Variants in PRPF8 observed in about 807,000 individuals in gnomAD.
The protein encoded by PRPF8 is pre-mRNA processing factor 8, also known as pre-mRNA-processing-splicing factor 8.
Under a neutral mutation model 285.9 loss-of-function variants are expected in PRPF8, and 64 were observed. That is an observed-to-expected ratio of 0.22 (90% CI 0.18 to 0.28). The LOEUF is 0.28. Among genes scored for constraint, PRPF8 ranks in the 10% least tolerant of loss-of-function variants. The probability of loss-of-function intolerance (pLI) is 1.00; values close to 1 mark genes in which losing one functional copy is unlikely to be tolerated. For synonymous variants in PRPF8, 1,325 were observed against 1,118.2 expected, an observed-to-expected ratio of 1.18 and a Z score of -3.69; for missense variants, 1,426 against 3,026.7, an observed-to-expected ratio of 0.47 and a Z score of 12.41.
At position 1,650,775 on chromosome 17, in the gene PRPF8, A is replaced by AG; in HGVS notation, c.*26dup. The AG allele has an allele frequency of 1.2e-6, 2 of 1,613,190 alleles. No individual in the cohort carries two copies. The highest frequency in any genetic ancestry group is 1.7e-6 in the Non-Finnish European group (2 of 1,179,818). On this transcript the variant is annotated 3_prime_UTR_variant, in exon 43 of 43. Coordinates refer to ENST00000304992, the MANE Select transcript of PRPF8 (RefSeq NM_006445.4). ...GAGGGGCTGAGGCTTCGGCCTCGGG[A>AG]GGCTGAAGCAGGAGGCAGGGAAACG...
intron 36 of PRPF8, among the ~76,000 whole-genome samples, chr17:1,656,177 C>T (rs1450444051): frequency 6.6e-6 from 1 of 152,126 alleles, no homozygotes; most frequent in Non-Finnish European, 1.5e-5. Flanking sequence ...CCCAACTCAG[C>T]CTCCCAAAGT....
rs781488797 is a variant in PRPF8 at position 1,681,061 on chromosome 17, T to A, written c.867-7A>T. The A allele has an allele frequency of 1.2e-6, 2 of 1,612,590 alleles. No individual in the cohort carries two copies. On this transcript the variant is annotated splice_region_variant and splice_polypyrimidine_tract_variant and intron_variant, in intron 6 of 42. Transcript: ENST00000304992. ...TTCATTCCAGTCTTCATCCCTAGGG[T>A]ACAACATCAAGAATAAGCAGACTTT...
chr17:1,673,346 C>T lies in PRPF8; in HGVS notation c.3657+11G>A, dbSNP rs1912432087. The T allele has an allele frequency of 6.2e-7, 1 of 1,613,796 alleles. No individual in the cohort carries two copies. Among genetic ancestry groups the T allele is most frequent in the Non-Finnish European group, 8.5e-7 (1 of 1,179,994 alleles). On this transcript the variant is annotated intron_variant, in intron 23 of 42. Transcript: ENST00000304992. The surrounding 1 kb of genome is among the most constrained non-coding windows in gnomAD (Gnocchi z 5.5). Reference sequence around the variant, plus strand: ...GCGTTCATGTCACTCCCAGCCCCGCCCAGGCTGTACCTCATTCTGCAGGTT... The same window carrying T: ...GCGTTCATGTCACTCCCAGCCCCGCTCAGGCTGTACCTCATTCTGCAGGTT...
chr17:1,683,082 G>A lies in PRPF8; in HGVS notation c.269+451C>T, dbSNP rs1365277597. On this transcript the variant is annotated intron_variant, in intron 3 of 42. Coordinates refer to ENST00000304992, the MANE Select transcript of PRPF8 (RefSeq NM_006445.4). ...GTGATCTCGGCTCACTACAAGTTCCGCCTCCCAGGTTCACGCCATTCTCCT... is the reference window on the plus strand; with the variant it reads ...GTGATCTCGGCTCACTACAAGTTCCACCTCCCAGGTTCACGCCATTCTCCT... 7 of 189,610 alleles carry A rather than the reference G, an allele frequency of 3.7e-5. No homozygotes were observed. The Admixed American group carries it at 4.2e-4, about 11-fold the overall frequency. The allele number at this position is 189,610 out of a possible 1,614,324, so 11.7% of individuals were successfully genotyped here.
In PRPF8 at chr17:1,675,488, T is replaced by A. The variant is rs997546784; in HGVS notation, c.2872+132A>T. The A allele has an allele frequency of 4.1e-6, 6 of 1,451,182 alleles. No homozygotes were observed. The African/African-American group carries it at 8.4e-5, about 20-fold the overall frequency. The allele number at this position is 1,451,182 out of a possible 1,614,324, so 89.9% of individuals were successfully genotyped here. Reference sequence around the variant, plus strand: ...TTTGACTATGGGCTTTTCCTCAGTTTAACACGAACACTACTTCCCTTTACT... The same window carrying A: ...TTTGACTATGGGCTTTTCCTCAGTTAAACACGAACACTACTTCCCTTTACT... On this transcript the variant is annotated intron_variant, in intron 19 of 42. Coordinates refer to ENST00000304992, the MANE Select transcript of PRPF8 (RefSeq NM_006445.4). This position sits in a 1 kb window ranked among gnomAD's most constrained non-coding sequence, Gnocchi z 6.0.
intron 37 of PRPF8, 101 bp downstream of exon 37, chr17:1,655,249 C>T (rs767486611): frequency 2.4e-5 from 32 of 1,349,536 alleles, no homozygotes; most frequent in Middle Eastern, 2.5e-4. Context: ...TGAGCCACCG[C>T]GCCTGGCCTT....
chr17:1,662,870 C>T (rs778917228), intron 24 of PRPF8, among the ~76,000 whole-genome samples: 5 of 148,186 alleles, frequency 3.4e-5, no homozygotes, highest in African/African-American at 7.5e-5. Context: ...AAAAAAAGCA[C>T]ACCAGATGGA....
intron 7 of PRPF8, 23 bp downstream of exon 7, chr17:1,680,906 A>G: frequency 6.2e-7 from 1 of 1,614,148 alleles, no homozygotes; most frequent in Non-Finnish European, 8.5e-7. Context: ...TCCTTTCCAA[A>G]TGTTGTGTTC....
At position 1,676,064 on chromosome 17, in the gene PRPF8, G is replaced by T. The variant is rs762443597; in HGVS notation, c.2553-10C>A. 1 of 1,612,836 alleles carries T rather than the reference G, an allele frequency of 6.2e-7. No individual in the cohort carries two copies. Among genetic ancestry groups the T allele is most frequent in the Non-Finnish European group, 8.5e-7 (1 of 1,180,006 alleles). On this transcript the variant is annotated splice_polypyrimidine_tract_variant and intron_variant, in intron 17 of 42. Coordinates refer to ENST00000304992, the MANE Select transcript of PRPF8 (RefSeq NM_006445.4). The surrounding 1 kb of genome is among the most constrained non-coding windows in gnomAD (Gnocchi z 6.3). ...CAACCGAGACTTCACACTGACAAAA[G>T]CAATGGGAAGGGTGAATGGGAAAAC...
At chr17:1,654,928 G>A (rs373411374) in intron 37 of PRPF8, 1 of 225,982 alleles carries the variant, frequency 4.4e-6, no homozygotes, top group East Asian at 1.1e-4. Flanking sequence ...CTCAAGCCTG[G>A]CTAAGACAAG....
In PRPF8 at chr17:1,676,384, A is replaced by G. The variant is rs760291839; in HGVS notation, c.2389-14T>C. On this transcript the variant is annotated splice_polypyrimidine_tract_variant and intron_variant, in intron 16 of 42. Coordinates refer to ENST00000304992, the MANE Select transcript of PRPF8 (RefSeq NM_006445.4). This position sits in a 1 kb window ranked among gnomAD's most constrained non-coding sequence, Gnocchi z 6.3. ...GTAAGGCCCGTCCTGTAAGGTGGAC[A>G]TGAAATTAGCCTCCCGCTACAGCCC... 57 of 1,614,012 alleles carry G rather than the reference A, an allele frequency of 3.5e-5. 1 individual carries two copies. The highest frequency in any genetic ancestry group is 1.3e-4 in the East Asian group (6 of 44,894).
Position 1,675,861 on chromosome 17 carries a change from T to C in PRPF8, c.2680-49A>G, listed in dbSNP as rs1468473642. The C allele has an allele frequency of 4.4e-6, 7 of 1,606,038 alleles. No homozygotes were observed. The highest frequency in any genetic ancestry group is 1.1e-5 in the South Asian group (1 of 91,030). On this transcript the variant is annotated intron_variant, in intron 18 of 42. Coordinates refer to ENST00000304992, the MANE Select transcript of PRPF8 (RefSeq NM_006445.4). This position sits in a 1 kb window ranked among gnomAD's most constrained non-coding sequence, Gnocchi z 6.0. ...ACACCAATCCACCAACTGCTACCTT[T>C]GGTAGAACCAAAGGCAACTGCTACC...
intron 24 of PRPF8, among the ~76,000 whole-genome samples, chr17:1,669,357 G>T (rs1427301625): frequency 6.6e-6 from 1 of 152,118 alleles, no homozygotes; most frequent in East Asian, 1.9e-4. Context: ...CACCCACCTT[G>T]GCCTCCCAAA....
intron 4 of PRPF8, 36 bp downstream of exon 4, chr17:1,682,093 C>T: frequency 6.2e-7 from 1 of 1,613,350 alleles, no homozygotes; most frequent in Non-Finnish European, 8.5e-7. Flanking sequence ...CAACCACCAC[C>T]ACCACCACCA....
At position 1,653,513 on chromosome 17, in the gene PRPF8, CT is replaced by C; in HGVS notation, c.6369+28del. Reference sequence around the variant, plus strand: ...AGGCACAAAATGAGTTGGGCACACACTGTGGCCTAGCTGAGTCCACTTACTC... The same window carrying C: ...AGGCACAAAATGAGTTGGGCACACACGTGGCCTAGCTGAGTCCACTTACTC... On this transcript the variant is annotated intron_variant, in intron 39 of 42. Transcript: ENST00000304992. This position sits in a 1 kb window ranked among gnomAD's most constrained non-coding sequence, Gnocchi z 4.9. 6.2e-7 allele frequency: 1 copy of C among 1,614,146 alleles called. No homozygotes were observed. Among genetic ancestry groups the C allele is most frequent in the South Asian group, 1.1e-5 (1 of 91,084 alleles).
Position 1,658,957 on chromosome 17 carries a change from G to C in PRPF8, c.5139-194C>G. 1.4e-6 allele frequency: 1 copy of C among 693,670 alleles called. No homozygotes were observed. 43.0% of individuals were successfully genotyped at this position (693,670 alleles called of 1,614,324 possible). A position where few individuals can be genotyped will look rare whatever the true frequency, so the allele number is the denominator to read the frequency against. ...GGCCACTTCCTCTCACTTAGGTAAA[G>C]TAAAAAAGTATGACTACGTTAAAGT... On this transcript the variant is annotated intron_variant, in intron 32 of 42. Coordinates refer to ENST00000304992, the MANE Select transcript of PRPF8 (RefSeq NM_006445.4). This position sits in a 1 kb window ranked among gnomAD's most constrained non-coding sequence, Gnocchi z 4.1.
At position 1,650,718 on chromosome 17, in the gene PRPF8, G is replaced by A. The variant is rs765449477; in HGVS notation, c.*84C>T. ...ACACAAGCACAGACAGAGGGAAAGA[G>A]GCCAAACTGCTGAATGTCAGCGGCC... is the stretch of plus-strand genomic sequence containing the variant. On this transcript the variant is annotated 3_prime_UTR_variant, in exon 43 of 43. Coordinates refer to ENST00000304992, the MANE Select transcript of PRPF8 (RefSeq NM_006445.4). The A allele has an allele frequency of 3.3e-6, 5 of 1,530,952 alleles. No homozygotes were observed. Among genetic ancestry groups the A allele is most frequent in the East Asian group, 2.2e-5 (1 of 44,508 alleles). The allele number at this position is 1,530,952 out of a possible 1,614,324, so 94.8% of individuals were successfully genotyped here.
Position 1,662,146 on chromosome 17 carries a change from T to C in PRPF8, c.3782A>G (p.Asn1261Ser). The change falls in exon 25 of 43, where the codon AAT becomes AGT. Residue 1261 changes from asparagine (N) to serine (S), a missense_variant. Asn to Ser is a conservative substitution (Grantham distance 46). Transcript: ENST00000304992. ...SGSTTFTKIV[N>S]KWNTALIGLM... ...GCCAATGAGAGCTGTATTCCACTTA[T>C]TCACAATCTAAAGGTAGTAGAAAAA... 1 of 1,614,230 alleles carries C rather than the reference T, an allele frequency of 6.2e-7. No homozygotes were observed. The highest frequency in any genetic ancestry group is 8.5e-7 in the Non-Finnish European group (1 of 1,180,032).
rs954879918 is a variant in PRPF8, at chr17:1,676,924, C to T, written c.2181+52G>A. 3 of 1,602,694 alleles carry T rather than the reference C, an allele frequency of 1.9e-6. No homozygotes were observed. The Admixed American group carries it at 5.0e-5, about 27-fold the overall frequency. Reference sequence around the variant, plus strand: ...CCCTAATGATTCCCGAAGTGGTAATCCTACCCTAAAGACGGATGTTTACGC... The same window carrying T: ...CCCTAATGATTCCCGAAGTGGTAATTCTACCCTAAAGACGGATGTTTACGC... On this transcript the variant is annotated intron_variant, in intron 15 of 42. Coordinates refer to ENST00000304992, the MANE Select transcript of PRPF8 (RefSeq NM_006445.4). The surrounding 1 kb of genome is among the most constrained non-coding windows in gnomAD (Gnocchi z 6.3).
Sources: gnomAD v4.1 joint callset for allele counts (sites outside exome capture counted in the v4.1 genomes callset) on GRCh38, gnomAD v4.1.1 for gene constraint, Gnocchi (gnomAD v3.1) non-coding constraint, MANE v1.5 for transcripts, NCBI Gene and HGNC (gene_info 2026-07-23, HGNC 2026-07-21) for gene names.